Variants in TBC1D4 observed in about 807,000 individuals in gnomAD.
TBC1D4 encodes the protein TBC (Tre-2, BUB2, CDC16) domain-containing protein.
Under a neutral mutation model 142.5 loss-of-function variants are expected in TBC1D4, and 121 were observed. That is an observed-to-expected ratio of 0.85 (90% CI 0.73 to 0.99). TBC1D4 has a LOEUF of 0.99. Among genes scored for constraint, TBC1D4 ranks in the 50% least tolerant of loss-of-function variants. The pLI is 0.00. For missense variants in TBC1D4, 1,475 were observed against 1,606.6 expected, an observed-to-expected ratio of 0.92 and a Z score of 1.40; for synonymous variants, 630 against 628.2, an observed-to-expected ratio of 1.00 and a Z score of -0.04.
At chr13:75,369,495 T>TCACA (rs1292541646) in intron 1 of TBC1D4, among the ~76,000 whole-genome samples, 3 of 31,588 alleles carry the variant, frequency 9.5e-5, no homozygotes, top group African/African-American at 2.2e-4. Context: ...TGAGACCCTG[T>TCACA]CTCACACACA....
At chr13:75,379,887 C>T (rs4885289) in intron 1 of TBC1D4, among the ~76,000 whole-genome samples, 27,947 of 97,434 alleles carry the variant, frequency 0.29, 6,013 homozygotes, top group South Asian at 0.51. Flanking sequence ...TCATCTGACT[C>T]TTTTTTTTTT....
chr13:75,401,963 G>GTTT (rs1885114964), intron 1 of TBC1D4, among the ~76,000 whole-genome samples: 1 of 152,194 alleles, frequency 6.6e-6, no homozygotes, highest in Non-Finnish European at 1.5e-5. Flanking sequence ...TTTTGCTGAA[G>GTTT]TGAACACTTC....
intron 1 of TBC1D4, among the ~76,000 whole-genome samples, chr13:75,406,364 A>G (rs1885341592): frequency 6.6e-6 from 1 of 152,252 alleles, no homozygotes; most frequent in Admixed American, 6.5e-5. Context: ...AGGTACTTAA[A>G]TTGCCACCCA....
rs183075498 is a variant in TBC1D4, at chr13:75,330,507, G to T, written c.1732-2681C>A. 1.7e-4 allele frequency among the ~76,000 whole-genome samples: 26 copies of T among 152,306 alleles called. 1 individual carries two copies. The East Asian group carries it at 4.8e-3, about 28-fold the overall frequency. ...CTCACTTAATCCTCATACCAGTTGTGAGGTAAGTATGGTTATTTAGCCCGT... is the reference window on the plus strand; with the variant it reads ...CTCACTTAATCCTCATACCAGTTGTTAGGTAAGTATGGTTATTTAGCCCGT... On this transcript the variant is annotated intron_variant, in intron 8 of 20. Transcript: ENST00000377636.
chr13:75,297,243 T>C (rs571642610), intron 17 of TBC1D4, among the ~76,000 whole-genome samples: 1 of 152,234 alleles, frequency 6.6e-6, no homozygotes, highest in African/African-American at 2.4e-5. Flanking sequence ...TTTACATGAA[T>C]TTTTGTAATG....
In TBC1D4 at chr13:75,337,060, T is replaced by TA; in HGVS notation, c.1612-21dup. The TA allele has an allele frequency of 6.2e-7, 1 of 1,607,396 alleles. No homozygotes were observed. The highest frequency in any genetic ancestry group is 8.5e-7 in the Non-Finnish European group (1 of 1,175,078). On this transcript the variant is annotated intron_variant, in intron 7 of 20. Coordinates refer to ENST00000377636, the MANE Select transcript of TBC1D4 (RefSeq NM_014832.5). ...AATAGTCTAAAAAAAGAAAAACAGA[T>TA]ACATTTTAGTTTGGAAATACTCAAG... is the stretch of plus-strand genomic sequence containing the variant.
At position 75,369,868 on chromosome 13, in the gene TBC1D4, G is replaced by C. The variant is rs141748014; in HGVS notation, c.499-7261C>G. Among the ~76,000 whole-genome samples the C allele has an allele frequency of 1.9e-3, 288 of 152,276 alleles. 5 individuals are homozygous for C. The highest frequency in any genetic ancestry group is 6.7e-3 in the African/African-American group (279 of 41,570). On this transcript the variant is annotated intron_variant, in intron 1 of 20. Coordinates refer to ENST00000377636, the MANE Select transcript of TBC1D4 (RefSeq NM_014832.5). ...TGAGAAGCTATGGCTAAATCAAATT[G>C]CCTGCCTTCATGAAATTTAAATTGA...
intron 1 of TBC1D4, among the ~76,000 whole-genome samples, chr13:75,399,070 G>T (rs73535658): frequency 6.6e-6 from 1 of 152,126 alleles, no homozygotes; most frequent in Non-Finnish European, 1.5e-5. Context: ...AGGCGGGCGC[G>T]GTGGCTCACG....
rs772233952 is a variant in TBC1D4, at chr13:75,481,705, G to GCC, written c.61_62dup (p.Val22AlafsTer62). 1.0e-5 allele frequency: 16 copies of GCC among 1,596,206 alleles called. No individual in the cohort carries two copies. The highest frequency in any genetic ancestry group is 1.3e-5 in the Non-Finnish European group (15 of 1,173,534). ...TCCCGGGGCCGGGCTGAGCTGAGAC[G>GCC]CCCGGCTCGGGCTCCAGGGGGTGCG... On this transcript the variant is annotated frameshift_variant, in exon 1 of 21. Transcript: ENST00000377636. LOFTEE classifies it high-confidence loss of function.
chr13:75,313,870 G>A (rs1878029599), intron 12 of TBC1D4, among the ~76,000 whole-genome samples: 1 of 152,148 alleles, frequency 6.6e-6, no homozygotes, highest in African/African-American at 2.4e-5. Context: ...ACTTGTTAGA[G>A]ACTGTTAATA....
At chr13:75,385,678 C>T (rs1884127274) in intron 1 of TBC1D4, among the ~76,000 whole-genome samples, 1 of 152,218 alleles carries the variant, frequency 6.6e-6, no homozygotes, top group Non-Finnish European at 1.5e-5. Flanking sequence ...TAACGGAGCA[C>T]TTACGTGCTG....
Position 75,283,760 on chromosome 13 carries a change from A to C in TBC1D4, c.*3032T>G, listed in dbSNP as rs1874466308. Among the ~76,000 whole-genome samples, 1 of 152,208 alleles carries C rather than the reference A, an allele frequency of 6.6e-6. No individual in the cohort carries two copies. The highest frequency in any genetic ancestry group is 2.4e-5 in the African/African-American group (1 of 41,458). Reference sequence around the variant, plus strand: ...TTCAAAAGTCTCCATTGAGAAAGTAAGTTGAAAAATGGTAACAATGTACTT... The same window carrying C: ...TTCAAAAGTCTCCATTGAGAAAGTACGTTGAAAAATGGTAACAATGTACTT... On this transcript the variant is annotated 3_prime_UTR_variant, in exon 21 of 21. Coordinates refer to ENST00000377636, the MANE Select transcript of TBC1D4 (RefSeq NM_014832.5).
Position 75,302,264 on chromosome 13 carries a change from G to T in TBC1D4, c.2890C>A (p.His964Asn). 6.2e-7 allele frequency: 1 copy of T among 1,614,198 alleles called. No homozygotes were observed. Among genetic ancestry groups the T allele is most frequent in the Non-Finnish European group, 8.5e-7 (1 of 1,180,030 alleles). ...ATACCTAAATCCACGAGAATCGCATGCTGCTGAGCAGTGAGCTGCTTCAAA... is the reference window on the plus strand; with the variant it reads ...ATACCTAAATCCACGAGAATCGCATTCTGCTGAGCAGTGAGCTGCTTCAAA... The part of the protein sequence containing the change: ...ELLKQLTAQQ[H>N]AILVDLGRTF... Residue 964 changes from histidine (H) to asparagine (N), a missense_variant, in exon 16 of 21, where the codon CAT becomes AAT. Coordinates refer to ENST00000377636, the MANE Select transcript of TBC1D4 (RefSeq NM_014832.5).
At chr13:75,417,249 G>C (rs976543816) in intron 1 of TBC1D4, among the ~76,000 whole-genome samples, 3 of 152,084 alleles carry the variant, frequency 2.0e-5, no homozygotes, top group African/African-American at 7.2e-5. Context: ...ACTTGCCCTA[G>C]ACACGTCACC....
At chr13:75,300,902 T>C (rs569552116) in intron 16 of TBC1D4, among the ~76,000 whole-genome samples, 1 of 152,346 alleles carries the variant, frequency 6.6e-6, no homozygotes, top group African/African-American at 2.4e-5. Context: ...GAAGGTAATA[T>C]GTCTAAGACC....
chr13:75,452,611 A>G (rs1311262577), intron 1 of TBC1D4, among the ~76,000 whole-genome samples: 4 of 152,230 alleles, frequency 2.6e-5, no homozygotes, highest in Non-Finnish European at 5.9e-5. Flanking sequence ...ATGACTAAAC[A>G]TTAACCCACA....
At chr13:75,400,810 T>A (rs575343263) in intron 1 of TBC1D4, among the ~76,000 whole-genome samples, 1 of 151,932 alleles carries the variant, frequency 6.6e-6, no homozygotes, top group African/African-American at 2.4e-5. Flanking sequence ...CACACACACA[T>A]AGAGTGAAAT....
intron 1 of TBC1D4, among the ~76,000 whole-genome samples, chr13:75,398,158 G>C (rs916346930): frequency 6.6e-6 from 1 of 152,256 alleles, no homozygotes; most frequent in Non-Finnish European, 1.5e-5. Flanking sequence ...CAGATGCCAT[G>C]TGAAGTAGAC....
intron 1 of TBC1D4, among the ~76,000 whole-genome samples, chr13:75,443,754 T>C (rs554027884): frequency 1.3e-5 from 2 of 152,274 alleles, no homozygotes; most frequent in African/African-American, 4.8e-5. Context: ...CCAAGCCCTG[T>C]CCCTACTCAG....
Sources: gnomAD v4.1 joint callset for allele counts (sites outside exome capture counted in the v4.1 genomes callset) on GRCh38, gnomAD v4.1.1 for gene constraint, MANE v1.5 for transcripts, NCBI Gene and HGNC (gene_info 2026-07-23, HGNC 2026-07-21) for gene names.